The following ELOVL4 variants were observed in gnomAD, a reference collection of about 807,000 sequenced individuals.
ELOVL4 encodes the protein ELOVL fatty acid elongase 4.
ELOVL4 carries 18 observed loss-of-function variants against 42.1 expected under a neutral mutation model. The observed-to-expected ratio is 0.43, with a 90% CI of 0.30 to 0.63. The LOEUF is 0.63. Ranked by LOEUF, ELOVL4 falls within the 30% of genes least tolerant of loss-of-function variation. ELOVL4 has a pLI of 0.15. For synonymous variants in ELOVL4, 117 were observed against 127.0 expected, an observed-to-expected ratio of 0.92 and a Z score of 0.53; for missense variants, 299 against 376.2, an observed-to-expected ratio of 0.79 and a Z score of 1.70.
At chr6:79,926,440 A>G in intron 1 of ELOVL4, 59 bp from the exon 2 acceptor site, 1 of 1,503,264 alleles carries the variant, frequency 6.7e-7, no homozygotes. Flanking sequence ...TATAAAATAC[A>G]CTTTTTAGGA....
chr6:79,921,866 T>A (rs1774262418), intron 3 of ELOVL4, 70 bp from the exon 4 acceptor site: 1 of 1,449,534 alleles, frequency 6.9e-7, no homozygotes, highest in Non-Finnish European at 9.6e-7. Flanking sequence ...TCATTGTAAG[T>A]AAGTCCAAAA....
At chr6:79,919,616 C>A in intron 4 of ELOVL4, 69 bp from the exon 5 acceptor site, 1 of 1,349,240 alleles carries the variant, frequency 7.4e-7, no homozygotes, top group Admixed American at 1.8e-5. Context: ...CTGAGATGTA[C>A]AATAAATGAA....
intron 1 of ELOVL4, among the ~76,000 whole-genome samples, chr6:79,927,442 G>C (rs1451878472): frequency 1.3e-5 from 2 of 152,020 alleles, no homozygotes. Flanking sequence ...CTTAATTGTT[G>C]ATCATAATAA....
intron 1 of ELOVL4, among the ~76,000 whole-genome samples, chr6:79,942,219 G>A (rs1774659173): frequency 2.0e-5 from 3 of 152,160 alleles, no homozygotes; most frequent in African/African-American, 4.8e-5. Flanking sequence ...AATACTGAAG[G>A]ATCAAGCGAG....
At chr6:79,938,172 G>T (rs1168542116) in intron 1 of ELOVL4, among the ~76,000 whole-genome samples, 1 of 152,234 alleles carries the variant, frequency 6.6e-6, no homozygotes, top group East Asian at 1.9e-4. Flanking sequence ...TGGAAGCCAA[G>T]ATCAGAATAC....
chr6:79,920,461 G>A (rs947843185), intron 4 of ELOVL4, among the ~76,000 whole-genome samples: 6 of 152,068 alleles, frequency 3.9e-5, no homozygotes, highest in Non-Finnish European at 7.4e-5. Context: ...GACCTATACA[G>A]GCTGAGTATT....
At chr6:79,928,121 A>G (rs972423766) in intron 1 of ELOVL4, among the ~76,000 whole-genome samples, 1 of 152,136 alleles carries the variant, frequency 6.6e-6, no homozygotes, top group Non-Finnish European at 1.5e-5. Context: ...ATAGAAAAAA[A>G]AAGATTTAGA....
Position 79,916,277 on chromosome 6 carries a change from AGAAT to A in ELOVL4, c.*327_*330del. 1 of 251,188 alleles carries A rather than the reference AGAAT, an allele frequency of 4.0e-6. No individual in the cohort carries two copies. The highest frequency in any genetic ancestry group is 7.7e-6 in the Non-Finnish European group (1 of 129,494). 15.6% of individuals were successfully genotyped at this position (251,188 alleles called of 1,614,324 possible). ...TGTGATCGTCTAAAATTCAGACCGAAGAATGAGTGACTATAAGATACATGAAAAA... is the reference window on the plus strand; with the variant it reads ...TGTGATCGTCTAAAATTCAGACCGAAGAGTGACTATAAGATACATGAAAAA... On this transcript the variant is annotated 3_prime_UTR_variant, in exon 6 of 6. Transcript: ENST00000369816.
intron 1 of ELOVL4, among the ~76,000 whole-genome samples, chr6:79,939,563 A>G (rs1774608287): frequency 6.6e-6 from 1 of 151,668 alleles, no homozygotes; most frequent in South Asian, 2.1e-4. Flanking sequence ...TTACTCTGTC[A>G]CCCAGGCTGG....
chr6:79,922,477 G>C (rs1008363420), intron 3 of ELOVL4, among the ~76,000 whole-genome samples: 1 of 152,160 alleles, frequency 6.6e-6, no homozygotes, highest in Non-Finnish European at 1.5e-5. Context: ...GGTACAGAAA[G>C]ATTACATTAC....
rs1393826527 is a variant in ELOVL4, at chr6:79,947,149, C to T, written c.100+31G>A. On this transcript the variant is annotated intron_variant, in intron 1 of 5. Coordinates refer to ENST00000369816, the MANE Select transcript of ELOVL4 (RefSeq NM_022726.4). ...GGGCCGGTGACCCCCCGCGGGGGAC[C>T]GAGCGAGGATGGGGAAGTCAGCGGC... is the stretch of plus-strand genomic sequence containing the variant. 7.6e-6 allele frequency: 12 copies of T among 1,581,926 alleles called. No homozygotes were observed. The African/African-American group carries it at 1.2e-4, about 16-fold the overall frequency.
chr6:79,945,914 A>G (rs948766675), intron 1 of ELOVL4, among the ~76,000 whole-genome samples: 1 of 152,252 alleles, frequency 6.6e-6, no homozygotes, highest in Non-Finnish European at 1.5e-5. Context: ...CTGAAAAAGA[A>G]CATACTTTTC....
intron 1 of ELOVL4, among the ~76,000 whole-genome samples, chr6:79,933,639 G>A (rs1441427656): frequency 2.2e-4 from 33 of 152,008 alleles, no homozygotes; most frequent in Admixed American, 2.2e-3. Context: ...CTCAATACTT[G>A]TCTACCACTA....
chr6:79,930,132 A>G (rs1428050274), intron 1 of ELOVL4, among the ~76,000 whole-genome samples: 1 of 152,212 alleles, frequency 6.6e-6, no homozygotes, highest in Non-Finnish European at 1.5e-5. Flanking sequence ...TAGTGAATAT[A>G]TGTGCTCTAC....
At chr6:79,934,193 A>T (rs1774504275) in intron 1 of ELOVL4, among the ~76,000 whole-genome samples, 1 of 152,182 alleles carries the variant, frequency 6.6e-6, no homozygotes, top group Non-Finnish European at 1.5e-5. Context: ...TCACAAGGGA[A>T]GGAGCATGTA....
intron 4 of ELOVL4, 100 bp downstream of exon 4, chr6:79,921,525 G>T: frequency 5.2e-6 from 3 of 575,338 alleles, no homozygotes; most frequent in Non-Finnish European, 6.1e-6. Context: ...ATGAAAGCAA[G>T]TTAAATGGTA....
At chr6:79,925,173 T>C (rs1382553636) in intron 2 of ELOVL4, 141 bp from the exon 3 acceptor site, 1 of 624,772 alleles carries the variant, frequency 1.6e-6, no homozygotes, top group Non-Finnish European at 2.8e-6. Flanking sequence ...AAAAATTTCA[T>C]GCATTCCGAT....
chr6:79,929,576 GGAAGCTCT>G (rs539188492), intron 1 of ELOVL4, among the ~76,000 whole-genome samples: 161 of 152,256 alleles, frequency 1.1e-3, no homozygotes, highest in African/African-American at 3.8e-3. Context: ...ACATTTTCCA[GGAAGCTCT>G]AACTGATGCT....
intron 1 of ELOVL4, among the ~76,000 whole-genome samples, chr6:79,941,249 T>C (rs548143900): frequency 6.6e-6 from 1 of 152,298 alleles, no homozygotes; most frequent in African/African-American, 2.4e-5. Flanking sequence ...AGAACAATGC[T>C]GAGAATTGGG....
Sources: allele counts gnomAD v4.1 joint callset (sites outside exome capture counted in the v4.1 genomes callset), GRCh38; gene constraint gnomAD v4.1.1; transcripts MANE v1.5; gene names NCBI Gene and HGNC (gene_info 2026-07-23, HGNC 2026-07-21).